The following DIDO1 variants were observed in gnomAD, a reference collection of about 807,000 sequenced individuals.
DIDO1 encodes death inducer-obliterator 1, also known as death-inducer obliterator 1.
A neutral mutation model predicts 99.4 loss-of-function variants in DIDO1; 16 were observed. The observed-to-expected ratio is 0.16, with a 90% CI of 0.11 to 0.24. The LOEUF is 0.24. Ranked by LOEUF, DIDO1 falls within the 10% of genes least tolerant of loss-of-function variation. The pLI is 1.00. For synonymous variants in DIDO1, 1,366 were observed against 1,239.1 expected (o/e 1.10, Z -2.15); for missense variants, 2,996 against 3,014.0 (o/e 0.99, Z 0.14).
At chr20:62,925,369 C>G (rs984308880) in intron 1 of DIDO1, among the ~76,000 whole-genome samples, 1 of 152,152 alleles carries the variant, frequency 6.6e-6, no homozygotes, top group Admixed American at 6.5e-5. Context: ...GTATTTCAAC[C>G]AAGTCATATG....
rs1021307835 is a variant in DIDO1, at chr20:62,877,828, T to C, written c.*1405A>G. 6.6e-6 allele frequency: 1 copy of C among 152,210 alleles called. No homozygotes were observed. The highest frequency in any genetic ancestry group is 2.4e-5 in the African/African-American group (1 of 41,448). 9.4% of individuals were successfully genotyped at this position (152,210 alleles called of 1,614,324 possible). On this transcript the variant is annotated 3_prime_UTR_variant, in exon 16 of 16. Coordinates refer to ENST00000395343, the MANE Select transcript of DIDO1 (RefSeq NM_001193369.2). ...TACAGTGATATAAGCCTCCGCAATA[T>C]AAAATACAATGTACAGGAATCTCTA... is the stretch of plus-strand genomic sequence containing the variant.
intron 6 of DIDO1, among the ~76,000 whole-genome samples, chr20:62,899,503 C>G (rs1276941134): frequency 2.6e-5 from 4 of 152,230 alleles, no homozygotes; most frequent in African/African-American, 4.8e-5. Context: ...ACTATTGTCT[C>G]CCTCACTTAG....
chr20:62,886,974 T>G (rs1271632124), intron 15 of DIDO1, among the ~76,000 whole-genome samples: 1 of 152,184 alleles, frequency 6.6e-6, no homozygotes, highest in Non-Finnish European at 1.5e-5. Context: ...ACAAAGCCAC[T>G]GGGTCCAGCA....
intron 6 of DIDO1, chr20:62,905,393 C>G (rs1213449664): frequency 3.4e-6 from 5 of 1,458,906 alleles, no homozygotes; most frequent in Non-Finnish European, 4.5e-6. Context: ...ACCTGAAAAT[C>G]AGATGCAACA....
intron 4 of DIDO1, among the ~76,000 whole-genome samples, chr20:62,907,659 C>T (rs550798251): frequency 3.5e-4 from 54 of 152,368 alleles, no homozygotes; most frequent in Non-Finnish European, 5.7e-4. Flanking sequence ...CGGGACCTCA[C>T]ATCCACGATG....
chr20:62,905,594 A>C (rs959537648), intron 6 of DIDO1: 84 of 1,551,234 alleles, frequency 5.4e-5, no homozygotes, highest in Non-Finnish European at 7.0e-5. Flanking sequence ...ACGAATACTT[A>C]CCAGAGCCTG....
intron 15 of DIDO1, chr20:62,889,468 C>G (rs987948105): frequency 1.5e-5 from 15 of 985,340 alleles, no homozygotes; most frequent in Non-Finnish European, 1.8e-5. Flanking sequence ...AGGGGAGGCT[C>G]GCTATCTAAG....
Position 62,911,631 on chromosome 20 carries a change from A to C in DIDO1, c.-2-17T>G, listed in dbSNP as rs2064944533. On this transcript the variant is annotated splice_polypyrimidine_tract_variant and intron_variant, in intron 2 of 15. Transcript: ENST00000395343. This position sits in a 1 kb window ranked among gnomAD's most constrained non-coding sequence, Gnocchi z 7.0. ...CGTCCATACCTAGCGGTAAAGTGTA[A>C]GCACATAGTGACCAACTGACCACAG... 1 of 1,529,790 alleles carries C rather than the reference A, an allele frequency of 6.5e-7. No homozygotes were observed. The highest frequency in any genetic ancestry group is 1.4e-5 in the African/African-American group (1 of 72,624). The allele number at this position is 1,529,790 out of a possible 1,614,324, so 94.8% of individuals were successfully genotyped here. A position where few individuals can be genotyped will look rare whatever the true frequency, so the allele number is the denominator to read the frequency against.
intron 15 of DIDO1, chr20:62,889,675 G>C: frequency 1.0e-6 from 1 of 985,334 alleles, no homozygotes. Flanking sequence ...ACGTGGAGCT[G>C]GCCAGAGCTC....
At position 62,880,272 on chromosome 20, in the gene DIDO1, G is replaced by A; in HGVS notation, c.5684C>T (p.Pro1895Leu). 1.2e-6 allele frequency: 2 copies of A among 1,612,680 alleles called. No homozygotes were observed. The highest frequency in any genetic ancestry group is 1.7e-6 in the Non-Finnish European group (2 of 1,179,924). ...APFQFGGQRR[P>L]LLSQLKGPRG... ...GGGGCCTTTCAGCTGAGACAGCAGT[G>A]GCCTTCTCTGGCCTCCGAACTGGAA... The change falls in exon 16 of 16, where the codon CCA becomes CTA. Residue 1895 changes from proline (P) to leucine (L), a missense_variant. This residue lies in a region of DIDO1 where 1,562 missense variants were observed against 1,412.6 expected (regional missense o/e 1.11). Transcript: ENST00000395343.
Position 62,909,911 on chromosome 20 carries a change from G to T in DIDO1, c.949C>A (p.Pro317Thr), listed in dbSNP as rs1277830458. ...LERNGEDYIC[P>T]NCTILQVQDE... ...TGCACTTGCAGAATGGTGCAGTTTG[G>T]GCAGATATAGTCTTCCCCATTCCTT... The change falls in exon 4 of 16, where the codon CCA becomes ACA. Residue 317 changes from proline (P) to threonine (T), a missense_variant. Physicochemically the swap from Pro to Thr is conservative, Grantham distance 38. Transcript: ENST00000395343. 1 of 1,614,090 alleles carries T rather than the reference G, an allele frequency of 6.2e-7. No individual in the cohort carries two copies. The highest frequency in any genetic ancestry group is 1.7e-5 in the Admixed American group (1 of 60,024).
At chr20:62,891,200 A>G (rs1293567879) in intron 14 of DIDO1, 45 bp from the exon 15 acceptor site, 2 of 1,610,804 alleles carry the variant, frequency 1.2e-6, no homozygotes, top group South Asian at 2.2e-5. Flanking sequence ...AATGTGGCTC[A>G]AGCATCACAC....
Position 62,881,137 on chromosome 20 carries a change from G to A in DIDO1, c.4819C>T (p.Pro1607Ser). 6.2e-7 allele frequency: 1 copy of A among 1,608,414 alleles called. No individual in the cohort carries two copies. The highest frequency in any genetic ancestry group is 1.1e-5 in the South Asian group (1 of 90,938). Residue 1607 changes from proline (P) to serine (S), a missense_variant, in exon 16 of 16, where the codon CCA (proline) becomes TCA (serine). Physicochemically the swap from Pro to Ser is moderately conservative, Grantham distance 74. This residue lies in a region of DIDO1 where 1,562 missense variants were observed against 1,412.6 expected (regional missense o/e 1.11). Coordinates refer to ENST00000395343, the MANE Select transcript of DIDO1 (RefSeq NM_001193369.2). This position sits in a 1 kb window ranked among gnomAD's most constrained non-coding sequence, Gnocchi z 8.3. ...GCTGGCTCTTTTTCCTCCGGGACTG[G>A]CATGGGCGCCTGGCCCACGAGGCCA... ...RGGLVGQAPMPVPEEKEPASS... is the reference protein window; with the variant it reads ...RGGLVGQAPMSVPEEKEPASS...
rs1381829962 is a variant in DIDO1, at chr20:62,890,964, T to G, written c.3537A>C (p.Gly1179=). ...PVPSKLLPFE[G]PGLESPRPNI... Reference sequence around the variant, plus strand: ...ACCCAGAAAGCCGGCGCTTACCTGGTCCCTCAAAGGGCAAGAGTTTGGATG... The same window carrying G: ...ACCCAGAAAGCCGGCGCTTACCTGGGCCCTCAAAGGGCAAGAGTTTGGATG... The change falls in exon 15 of 16, where the codon GGA becomes GGC. Residue 1179 remains glycine (G), a synonymous_variant. Coordinates refer to ENST00000395343, the MANE Select transcript of DIDO1 (RefSeq NM_001193369.2). The G allele has an allele frequency of 1.2e-6, 2 of 1,613,826 alleles. No homozygotes were observed. Among genetic ancestry groups the G allele is most frequent in the Non-Finnish European group, 8.5e-7 (1 of 1,180,014 alleles).
intron 1 of DIDO1, among the ~76,000 whole-genome samples, chr20:62,919,630 T>C (rs1162045526): frequency 6.6e-6 from 1 of 152,144 alleles, no homozygotes; most frequent in East Asian, 1.9e-4. Flanking sequence ...AACAACCTAT[T>C]GTTGTTTTAC....
At chr20:62,909,603 G>A (rs2064882891) in intron 4 of DIDO1, 96 bp downstream of exon 4, 6 of 1,494,242 alleles carry the variant, frequency 4.0e-6, no homozygotes, top group Non-Finnish European at 4.6e-6. Context: ...CCCCACATGG[G>A]TGCAGCACCC....
chr20:62,930,751 AAAC>A (rs575117754), upstream of DIDO1, among the ~76,000 whole-genome samples: 48 of 152,372 alleles, frequency 3.2e-4, no homozygotes, highest in South Asian at 2.9e-3. Context: ...TTAACTAGAA[AAAC>A]AACAAGGGAT....
At chr20:62,898,154 C>G (rs537745739) in intron 6 of DIDO1, among the ~76,000 whole-genome samples, 2 of 152,348 alleles carry the variant, frequency 1.3e-5, no homozygotes, top group East Asian at 3.9e-4. Context: ...CACTCCTCCC[C>G]CGTCGTCTTA....
chr20:62,885,232 T>C (rs1224247703), intron 15 of DIDO1, among the ~76,000 whole-genome samples: 2 of 152,118 alleles, frequency 1.3e-5, no homozygotes, highest in Admixed American at 6.5e-5. Flanking sequence ...GACACAGGCA[T>C]GGGCTAGGCC....
Sources: allele counts gnomAD v4.1 joint callset (sites outside exome capture counted in the v4.1 genomes callset), GRCh38; gene constraint gnomAD v4.1.1; regional missense constraint gnomAD v4.1.1; non-coding constraint Gnocchi (gnomAD v3.1); transcripts MANE v1.5; gene names NCBI Gene and HGNC (gene_info 2026-07-23, HGNC 2026-07-21).